Variants in SRGAP2B observed in about 807,000 individuals in gnomAD.
SRGAP2B encodes SLIT-ROBO Rho GTPase-activating protein 2B.
Under a neutral mutation model 22.2 loss-of-function variants are expected in SRGAP2B, and 9 were observed. The observed-to-expected ratio is 0.41, with a 90% confidence interval of 0.24 to 0.71. The LOEUF (loss-of-function observed/expected upper bound fraction) is 0.71. SRGAP2B is among the 30% of genes least tolerant of loss of function. The pLI, the probability that SRGAP2B is intolerant of heterozygous loss-of-function variation, is 0.35. For missense variants in SRGAP2B, 114 were observed against 235.8 expected, an observed-to-expected ratio of 0.48 and a Z score of 3.38; for synonymous variants, 36 against 87.4, an observed-to-expected ratio of 0.41 and a Z score of 3.28.
chr1:144,934,466 A>G (rs1475333632), intron 4 of SRGAP2B, among the ~76,000 whole-genome samples: 1 of 149,096 alleles, frequency 6.7e-6, no homozygotes, highest in African/African-American at 2.5e-5. Context: ...TTAATCTATA[A>G]AAAATGTGAT....
intron 4 of SRGAP2B, among the ~76,000 whole-genome samples, chr1:144,924,731 CAAAAAAAA>C (rs1156257790): frequency 1.7e-5 from 1 of 58,204 alleles, no homozygotes; most frequent in African/African-American, 7.5e-5. Flanking sequence ...AACTCCGTCT[CAAAAAAAA>C]AAAAAAAAAA....
chr1:144,984,308 G>T (rs1224602289), intron 3 of SRGAP2B, among the ~76,000 whole-genome samples: 3 of 130,206 alleles, frequency 2.3e-5, no homozygotes, highest in African/African-American at 8.9e-5. Context: ...CAACAAGAGC[G>T]AAACTCCATC....
intron 4 of SRGAP2B, among the ~76,000 whole-genome samples, chr1:144,927,696 CTTCTT>C (rs1170247750): frequency 4.8e-5 from 5 of 104,194 alleles, no homozygotes; most frequent in Non-Finnish European, 7.6e-5. Flanking sequence ...TCTTTGTTCT[CTTCTT>C]CTGAGACTTC....
intron 2 of SRGAP2B, among the ~76,000 whole-genome samples, chr1:145,010,641 AT>A (rs1425464194): frequency 2.0e-5 from 3 of 150,104 alleles, no homozygotes; most frequent in Non-Finnish European, 4.4e-5. Flanking sequence ...AGTTATTTTT[AT>A]TTTTATAGTA....
chr1:144,905,903 CAT>C lies in SRGAP2B; in HGVS notation c.656_657del (p.His219ArgfsTer10), dbSNP rs1332678169. 1 of 707,968 alleles carries C rather than the reference CAT, an allele frequency of 1.4e-6. No homozygotes were observed. Among genetic ancestry groups the C allele is most frequent in the Non-Finnish European group, 2.6e-6 (1 of 383,334 alleles). The allele number at this position is 707,968 out of a possible 1,614,324, so 43.9% of individuals were successfully genotyped here. ...ATCTTCTTCACTGAGCTCCTCCGGA[CAT>C]GTTTCTCCTCAATGCGAACGTTGGC... On this transcript the variant is annotated frameshift_variant, in exon 6 of 10. Transcript: ENST00000612199. LOFTEE classifies it high-confidence loss of function.
At chr1:144,975,014 G>A (rs1383840028) in intron 3 of SRGAP2B, among the ~76,000 whole-genome samples, 1 of 147,380 alleles carries the variant, frequency 6.8e-6, no homozygotes, top group Non-Finnish European at 1.5e-5. Context: ...CTTGCTTAGA[G>A]ACAGGGCTGG....
At chr1:145,085,712 CCAGGCTGCAGTG>C (rs1653366741) in intron 2 of SRGAP2B, among the ~76,000 whole-genome samples, 1 of 148,374 alleles carries the variant, frequency 6.7e-6, no homozygotes, top group South Asian at 2.1e-4. Context: ...CTCTTGTTGC[CCAGGCTGCAGTG>C]CAATGGCGAG....
chr1:145,066,604 C>T (rs1487645707), intron 2 of SRGAP2B, among the ~76,000 whole-genome samples: 1 of 150,370 alleles, frequency 6.7e-6, no homozygotes, highest in African/African-American at 2.5e-5. Flanking sequence ...TTGCTTCAGA[C>T]TATCTGCTTG....
At chr1:144,900,805 G>GA (rs1388544078) in intron 7 of SRGAP2B, among the ~76,000 whole-genome samples, 1 of 45,898 alleles carries the variant, frequency 2.2e-5, no homozygotes, top group Non-Finnish European at 4.8e-5. Context: ...GCCTGGAAAG[G>GA]AAAAATGGGT....
At chr1:145,094,217 G>T (rs1294421671) in intron 1 of SRGAP2B, among the ~76,000 whole-genome samples, 2 of 45,770 alleles carry the variant, frequency 4.4e-5, no homozygotes, top group South Asian at 8.6e-4. Context: ...ATGGGAGGAG[G>T]TCGGTGAGGT....
intron 3 of SRGAP2B, among the ~76,000 whole-genome samples, chr1:144,980,757 G>A (rs1316222797): frequency 1.3e-5 from 2 of 150,912 alleles, no homozygotes; most frequent in African/African-American, 4.9e-5. Context: ...TTCGTTAACA[G>A]TGAGTCCTTC....
chr1:144,925,775 GAAAGAA>G (rs1664673530), intron 4 of SRGAP2B, among the ~76,000 whole-genome samples: 1 of 142,006 alleles, frequency 7.0e-6, no homozygotes, highest in East Asian at 2.1e-4. Flanking sequence ...AAGAAAGAAA[GAAAGAA>G]AGAAAGAAAG....
chr1:144,996,113 T>A (rs1424223349), intron 2 of SRGAP2B, among the ~76,000 whole-genome samples: 2 of 151,366 alleles, frequency 1.3e-5, no homozygotes, highest in African/African-American at 4.9e-5. Context: ...AAGGCAGCTA[T>A]AGATGCAAAC....
At chr1:144,943,427 GT>G (rs1321966496) in intron 4 of SRGAP2B, among the ~76,000 whole-genome samples, 1 of 151,704 alleles carries the variant, frequency 6.6e-6, no homozygotes, top group Non-Finnish European at 1.5e-5. Context: ...CAATAAATCT[GT>G]TTTTTATATC....
chr1:144,963,821 G>C (rs1397085385), intron 3 of SRGAP2B, among the ~76,000 whole-genome samples: 1 of 151,952 alleles, frequency 6.6e-6, no homozygotes, highest in East Asian at 1.9e-4. Context: ...CACCAGGCAT[G>C]AGCGGAGAAG....
At chr1:145,009,871 CAA>C (rs1330343012) in intron 2 of SRGAP2B, among the ~76,000 whole-genome samples, 1 of 116,322 alleles carries the variant, frequency 8.6e-6, no homozygotes, top group Non-Finnish European at 1.7e-5. Flanking sequence ...GAAAAATCAA[CAA>C]AGACTTATAA....
At chr1:144,913,082 C>T (rs1663534458) in intron 5 of SRGAP2B, among the ~76,000 whole-genome samples, 1 of 147,098 alleles carries the variant, frequency 6.8e-6, no homozygotes, top group East Asian at 2.0e-4. Context: ...ACAGCTTACG[C>T]CCTTTCACTT....
intron 2 of SRGAP2B, among the ~76,000 whole-genome samples, chr1:145,030,733 T>A (rs1648228891): frequency 6.2e-5 from 4 of 64,986 alleles, no homozygotes; most frequent in Non-Finnish European, 1.3e-4. Flanking sequence ...TATATATATA[T>A]ATATATATAT....
rs1310917418 is a variant in SRGAP2B, at chr1:144,889,048, C to T, written c.*3112G>A. ...TGGCTCACTACAACCTATGCCTCCC[C>T]GGTTCAAGTAATCCTCCCACCTTAG... On this transcript the variant is annotated 3_prime_UTR_variant, in exon 10 of 10. Coordinates refer to ENST00000612199, the Ensembl canonical transcript of SRGAP2B. 9.8e-5 allele frequency: 14 copies of T among 142,998 alleles called. No individual in the cohort carries two copies. The Middle Eastern group carries it at 0.014, about 148-fold the overall frequency. 8.9% of individuals were successfully genotyped at this position (142,998 alleles called of 1,614,324 possible).
Sources: allele counts gnomAD v4.1 joint callset (sites outside exome capture counted in the v4.1 genomes callset), GRCh38; gene constraint gnomAD v4.1.1; transcripts MANE v1.5; gene names NCBI Gene and HGNC (gene_info 2026-07-23, HGNC 2026-07-21).